Variants in PSMD14 observed in about 807,000 individuals in gnomAD.
PSMD14 encodes the protein ubiquitin C-terminal hydrolase PSMD14.
In PSMD14, 7 loss-of-function variants were observed where a neutral mutation model predicts 41.2. The observed-to-expected ratio is 0.17, with a 90% CI of 0.10 to 0.32. The LOEUF is 0.32. Ranked by LOEUF, PSMD14 falls within the 10% of genes least tolerant of loss-of-function variation. The pLI, the probability that PSMD14 is intolerant of heterozygous loss-of-function variation, is 1.00. For missense variants in PSMD14, 139 were observed against 375.6 expected (o/e 0.37, Z 5.21); for synonymous variants, 114 against 122.3 (o/e 0.93, Z 0.45).
At chr2:161,326,075 T>TCACCC (rs1016182339) in intron 3 of PSMD14, among the ~76,000 whole-genome samples, 13 of 152,326 alleles carry the variant, frequency 8.5e-5, no homozygotes, top group African/African-American at 3.1e-4. Context: ...TCTTGCTCTG[T>TCACCC]CACCCAGGCT....
intron 7 of PSMD14, among the ~76,000 whole-genome samples, chr2:161,375,178 G>A (rs1683486662): frequency 6.6e-6 from 1 of 151,942 alleles, no homozygotes; most frequent in South Asian, 2.1e-4. Context: ...ATTCTAAGAT[G>A]CAAAATGAAT....
intron 1 of PSMD14, 61 bp from the exon 2 acceptor site, chr2:161,316,376 A>G (rs1474572902): frequency 2.0e-5 from 3 of 152,216 alleles, no homozygotes; most frequent in African/African-American, 4.8e-5. Flanking sequence ...AGATTTTGGT[A>G]TAAAGTTTTC....
chr2:161,395,923 A>T (rs897554429), intron 10 of PSMD14, among the ~76,000 whole-genome samples: 2 of 152,212 alleles, frequency 1.3e-5, no homozygotes, highest in African/African-American at 4.8e-5. Flanking sequence ...TTGTCCACAC[A>T]CCAGCTACAT....
At chr2:161,324,587 C>CT (rs530376824) in intron 3 of PSMD14, among the ~76,000 whole-genome samples, 2 of 149,460 alleles carry the variant, frequency 1.3e-5, no homozygotes, top group African/African-American at 2.5e-5. Context: ...GTGATTTTTA[C>CT]TTTTTTCCCC....
chr2:161,353,316 A>G (rs1683146114), intron 3 of PSMD14, among the ~76,000 whole-genome samples: 1 of 152,220 alleles, frequency 6.6e-6, no homozygotes. Flanking sequence ...TATTTTTCAT[A>G]AAGCCAAAAG....
rs1574133148 is a variant in PSMD14 at position 161,370,070 on chromosome 2, T to C, written c.241-37T>C. 3 of 1,465,912 alleles carry C rather than the reference T, an allele frequency of 2.0e-6. No individual in the cohort carries two copies. In the South Asian group the frequency reaches 4.0e-5, roughly 19 times the overall value. The allele number at this position is 1,465,912 out of a possible 1,614,324, so 90.8% of individuals were successfully genotyped here. A position where few individuals can be genotyped will look rare whatever the true frequency, so the allele number is the denominator to read the frequency against. The stretch of plus-strand genomic sequence containing the variant: ...CATAGGGAAGCTTTTTTTCCAAATT[T>C]ACAAAAATTAATAATTTTTCTTTCT... On this transcript the variant is annotated intron_variant, in intron 5 of 11. Transcript: ENST00000409682.
chr2:161,355,388 A>G (rs1683181436), intron 3 of PSMD14, among the ~76,000 whole-genome samples: 1 of 152,146 alleles, frequency 6.6e-6, no homozygotes, highest in Non-Finnish European at 1.5e-5. Flanking sequence ...AAGATGCAGT[A>G]TATGTATATT....
At chr2:161,324,155 TTTG>T (rs1682658369) in intron 3 of PSMD14, among the ~76,000 whole-genome samples, 1 of 152,260 alleles carries the variant, frequency 6.6e-6, no homozygotes, top group African/African-American at 2.4e-5. Context: ...TCAGTTTTAA[TTTG>T]TTAAGTCAAT....
At chr2:161,341,407 GA>G (rs989346855) in intron 3 of PSMD14, 28 of 626,416 alleles carry the variant, frequency 4.5e-5, no homozygotes, top group Non-Finnish European at 5.4e-5. Flanking sequence ...TGAATTTTAT[GA>G]GTTCTTTATA....
At chr2:161,358,682 C>T (rs891173293) in intron 3 of PSMD14, among the ~76,000 whole-genome samples, 4 of 152,164 alleles carry the variant, frequency 2.6e-5, no homozygotes, top group East Asian at 1.9e-4. Context: ...CGGTGGCTCA[C>T]GCCTGTAATC....
chr2:161,398,206 G>A (rs930390752), intron 10 of PSMD14, among the ~76,000 whole-genome samples: 6 of 152,086 alleles, frequency 3.9e-5, no homozygotes, highest in Non-Finnish European at 8.8e-5. Flanking sequence ...AATTCCCTCT[G>A]TGATTGAAAG....
rs1206459125 is a variant in PSMD14 at position 161,340,828 on chromosome 2, T to C, written c.48+21955T>C. The C allele has an allele frequency of 3.7e-6, 6 of 1,613,908 alleles. No individual in the cohort carries two copies. The Admixed American group carries it at 8.3e-5, about 22-fold the overall frequency. On this transcript the variant is annotated intron_variant, in intron 3 of 11. Coordinates refer to ENST00000409682, the MANE Select transcript of PSMD14 (RefSeq NM_005805.6). ...GGATAACTTCGTTATTCTTCAGTTC[T>C]CTGCTCCTCCTCCAGCTCCTCTTTG... is the stretch of plus-strand genomic sequence containing the variant.
intron 3 of PSMD14, among the ~76,000 whole-genome samples, chr2:161,331,270 T>A (rs1398554311): frequency 1.3e-5 from 2 of 151,988 alleles, no homozygotes; most frequent in African/African-American, 4.8e-5. Context: ...TTTTTTTTTT[T>A]TTTTATTTTT....
chr2:161,340,992 G>A, intron 3 of PSMD14: 2 of 1,611,662 alleles, frequency 1.2e-6, no homozygotes, highest in Non-Finnish European at 1.7e-6. Flanking sequence ...TTCCTGCCTC[G>A]CCTCCACCGC....
intron 9 of PSMD14, among the ~76,000 whole-genome samples, chr2:161,394,553 TC>T (rs372482025): frequency 2.6e-5 from 4 of 152,326 alleles, no homozygotes; most frequent in South Asian, 2.1e-4. Flanking sequence ...ATTCATTCAT[TC>T]ATCAGATATT....
chr2:161,368,413 T>A (rs998314652), intron 5 of PSMD14, among the ~76,000 whole-genome samples: 1 of 152,228 alleles, frequency 6.6e-6, no homozygotes, highest in African/African-American at 2.4e-5. Flanking sequence ...CAAACCTGAA[T>A]ATTTTTTTCC....
chr2:161,383,635 A>C (rs748326191), intron 7 of PSMD14: 1 of 151,578 alleles, frequency 6.6e-6, no homozygotes, highest in Non-Finnish European at 1.5e-5. Flanking sequence ...TTGTTGTGAT[A>C]TATAATGAAA....
At chr2:161,403,974 T>C (rs1263278153) in intron 10 of PSMD14, among the ~76,000 whole-genome samples, 1 of 152,012 alleles carries the variant, frequency 6.6e-6, no homozygotes, top group African/African-American at 2.4e-5. Flanking sequence ...GATACTATCA[T>C]AGCTCACTGC....
At chr2:161,372,227 T>C (rs1266894522) in intron 7 of PSMD14, among the ~76,000 whole-genome samples, 1 of 152,096 alleles carries the variant, frequency 6.6e-6, no homozygotes, top group Non-Finnish European at 1.5e-5. Flanking sequence ...AGAATAATTG[T>C]TAAAATAAAA....
Sources: gnomAD v4.1 joint callset for allele counts (sites outside exome capture counted in the v4.1 genomes callset) on GRCh38, gnomAD v4.1.1 for gene constraint, MANE v1.5 for transcripts, NCBI Gene and HGNC (gene_info 2026-07-23, HGNC 2026-07-21) for gene names.